SPSB4: variants seen among roughly 807,000 people sequenced by gnomAD.
SPSB4 encodes the protein splA/ryanodine receptor domain and SOCS box containing 4.
In SPSB4, 21 loss-of-function variants were observed where a neutral mutation model predicts 20.9. The observed-to-expected ratio is 1.01, with a 90% confidence interval of 0.71 to 1.45. SPSB4 has a LOEUF of 1.45. SPSB4 is among the 40% of genes most tolerant of loss of function. The probability of loss-of-function intolerance (pLI) is 0.00; values close to 1 mark genes in which losing one functional copy is unlikely to be tolerated. For synonymous variants in SPSB4, 207 were observed against 183.8 expected, an observed-to-expected ratio of 1.13 and a Z score of -1.02; for missense variants, 399 against 399.2, an observed-to-expected ratio of 1.00 and a Z score of 0.00.
chr3:141,146,546 A>G (rs1247994876), intron 2 of SPSB4, among the ~76,000 whole-genome samples: 4 of 152,102 alleles, frequency 2.6e-5, no homozygotes, highest in Non-Finnish European at 1.5e-5. Context: ...GGAGGCCGAG[A>G]AGGGCGATCA....
At chr3:141,134,267 C>G (rs1257156749) in intron 2 of SPSB4, among the ~76,000 whole-genome samples, 2 of 151,896 alleles carry the variant, frequency 1.3e-5, no homozygotes, top group Admixed American at 6.6e-5. Flanking sequence ...CAAATAGCAA[C>G]AGTTTGACTT....
rs866233444 is a variant in SPSB4 at position 141,082,627 on chromosome 3, C to G, written c.694+15829C>G. 9.4e-3 allele frequency among the ~76,000 whole-genome samples: 1,326 copies of G among 141,132 alleles called. 10 individuals carry two copies. Among genetic ancestry groups the G allele is most frequent in the Middle Eastern group, 0.014 (4 of 284 alleles). 92.6% of individuals were successfully genotyped at this position (141,132 alleles called of 152,430 possible). ...TTGCCCCAACCCAGGTGCTATCTATCTATCTATCTATCTATCTATCTATCT... is the reference window on the plus strand; with the variant it reads ...TTGCCCCAACCCAGGTGCTATCTATGTATCTATCTATCTATCTATCTATCT... On this transcript the variant is annotated intron_variant, in intron 2 of 2. Coordinates refer to ENST00000310546, the MANE Select transcript of SPSB4 (RefSeq NM_080862.3).
intron 2 of SPSB4, among the ~76,000 whole-genome samples, chr3:141,137,954 C>T (rs1328232922): frequency 1.3e-5 from 2 of 152,042 alleles, no homozygotes; most frequent in Non-Finnish European, 2.9e-5. Context: ...GCTGTGAATC[C>T]ATCTGGTCCT....
Position 141,121,058 on chromosome 3 carries a change from C to G in SPSB4, c.695-26084C>G, listed in dbSNP as rs575510530. Reference sequence around the variant, plus strand: ...TTTGCAGTGGCTGGTACAAGTTGTTCCCTTCCATGTTTAGTGCTTCCTTCA... The same window carrying G: ...TTTGCAGTGGCTGGTACAAGTTGTTGCCTTCCATGTTTAGTGCTTCCTTCA... On this transcript the variant is annotated intron_variant, in intron 2 of 2. Transcript: ENST00000310546. Among the ~76,000 whole-genome samples the G allele has an allele frequency of 2.3e-3, 348 of 150,162 alleles. 2 individuals are homozygous for G. Among genetic ancestry groups the G allele is most frequent in the African/African-American group, 8.2e-3 (337 of 41,142 alleles).
At chr3:141,125,657 A>C (rs1040390204) in intron 2 of SPSB4, among the ~76,000 whole-genome samples, 1 of 152,152 alleles carries the variant, frequency 6.6e-6, no homozygotes, top group African/African-American at 2.4e-5. Flanking sequence ...AGGGGGATGT[A>C]TGTGGTTCCT....
intron 2 of SPSB4, among the ~76,000 whole-genome samples, chr3:141,089,782 C>T (rs532935890): frequency 6.6e-6 from 1 of 152,180 alleles, no homozygotes; most frequent in South Asian, 2.1e-4. Flanking sequence ...CTTTGCAAAA[C>T]CAATTTTCAG....
intron 2 of SPSB4, among the ~76,000 whole-genome samples, chr3:141,071,726 C>G (rs1179493519): frequency 1.3e-5 from 2 of 152,184 alleles, no homozygotes; most frequent in Non-Finnish European, 2.9e-5. Context: ...CTGACTTTCA[C>G]AGGGTGGAGC....
intron 2 of SPSB4, among the ~76,000 whole-genome samples, chr3:141,119,908 A>G (rs570300890): frequency 8.3e-4 from 126 of 151,440 alleles, no homozygotes; most frequent in African/African-American, 2.9e-3. Flanking sequence ...TTGTGTCTCT[A>G]TCTCCTTCAG....
At chr3:141,061,634 GTTA>G (rs545187064) in intron 1 of SPSB4, among the ~76,000 whole-genome samples, 80 of 150,814 alleles carry the variant, frequency 5.3e-4, no homozygotes, top group African/African-American at 1.7e-3. Context: ...ATTAATAATT[GTTA>G]TTAACATATT....
chr3:141,069,806 G>A (rs978571827), intron 2 of SPSB4, among the ~76,000 whole-genome samples: 2 of 152,180 alleles, frequency 1.3e-5, no homozygotes, highest in African/African-American at 4.8e-5. Flanking sequence ...GGCAAATTCT[G>A]GGGTTCACCT....
intron 2 of SPSB4, among the ~76,000 whole-genome samples, chr3:141,128,174 G>T (rs1277779787): frequency 1.3e-5 from 2 of 152,206 alleles, no homozygotes; most frequent in Non-Finnish European, 2.9e-5. Flanking sequence ...CAGAGACTGG[G>T]GTGCAGAAAT....
intron 2 of SPSB4, among the ~76,000 whole-genome samples, chr3:141,130,220 G>T (rs1452055649): frequency 6.6e-6 from 1 of 152,224 alleles, no homozygotes; most frequent in Non-Finnish European, 1.5e-5. Flanking sequence ...GGGCAGAGGA[G>T]CCAAGTCATT....
At chr3:141,135,428 G>A (rs1265915848) in intron 2 of SPSB4, among the ~76,000 whole-genome samples, 1 of 151,844 alleles carries the variant, frequency 6.6e-6, no homozygotes, top group Non-Finnish European at 1.5e-5. Flanking sequence ...CATGTGCCAT[G>A]TTGGTGTGCT....
chr3:141,099,331 C>T (rs1420638166), intron 2 of SPSB4, among the ~76,000 whole-genome samples: 1 of 152,104 alleles, frequency 6.6e-6, no homozygotes, highest in Non-Finnish European at 1.5e-5. Context: ...ACTACAGGCG[C>T]ATGCCACCAT....
Position 141,147,388 on chromosome 3 carries a change from A to G in SPSB4, c.*119A>G, listed in dbSNP as rs572528256. 4.0e-6 allele frequency: 6 copies of G among 1,498,432 alleles called. No individual in the cohort carries two copies. In the African/African-American group the frequency reaches 6.9e-5, roughly 17 times the overall value. 92.8% of individuals were successfully genotyped at this position (1,498,432 alleles called of 1,614,324 possible). A position where few individuals can be genotyped will look rare whatever the true frequency, so the allele number is the denominator to read the frequency against. ...TACCCTTCTCCTGGCTCCCCAGGAC[A>G]CTCAGTTCTTTCAAAGACCAGGATG... On this transcript the variant is annotated 3_prime_UTR_variant, in exon 3 of 3. Transcript: ENST00000310546.
chr3:141,128,291 G>A (rs1481550353), intron 2 of SPSB4, among the ~76,000 whole-genome samples: 2 of 152,132 alleles, frequency 1.3e-5, no homozygotes, highest in Non-Finnish European at 2.9e-5. Context: ...CCTGAGTGAT[G>A]AGAAAGTGAT....
intron 2 of SPSB4, among the ~76,000 whole-genome samples, chr3:141,081,244 G>T (rs536129542): frequency 2.6e-5 from 4 of 152,194 alleles, no homozygotes; most frequent in South Asian, 2.1e-4. Context: ...TGTGCTAGCC[G>T]CATCCAAATG....
intron 2 of SPSB4, among the ~76,000 whole-genome samples, chr3:141,135,397 C>A (rs1423772977): frequency 6.6e-6 from 1 of 151,126 alleles, no homozygotes; most frequent in African/African-American, 2.4e-5. Context: ...GCACAACGTG[C>A]AGGTTTGTTA....
chr3:141,123,899 G>T (rs1347596147), intron 2 of SPSB4, among the ~76,000 whole-genome samples: 2 of 152,228 alleles, frequency 1.3e-5, no homozygotes, highest in African/African-American at 2.4e-5. Context: ...CCCTGGGGCA[G>T]GTTCCAAGTT....
Sources: gnomAD v4.1 joint callset for allele counts (sites outside exome capture counted in the v4.1 genomes callset) on GRCh38, gnomAD v4.1.1 for gene constraint, MANE v1.5 for transcripts, NCBI Gene and HGNC (gene_info 2026-07-23, HGNC 2026-07-21) for gene names.